MANSC4: variants seen among roughly 807,000 people sequenced by gnomAD.
MANSC4 encodes the protein MANSC domain-containing protein 4.
Under a neutral mutation model 11.4 loss-of-function variants are expected in MANSC4, and 11 were observed. The ratio of observed to expected loss-of-function variants is 0.97; its 90% CI spans 0.61 to 1.60. The LOEUF is 1.60. Ranked by LOEUF, MANSC4 falls within the 40% of genes most tolerant of loss-of-function variation. MANSC4 has a pLI of 0.00. For synonymous variants in MANSC4, 123 were observed against 147.1 expected (o/e 0.84, Z 1.19); for missense variants, 354 against 404.6 (o/e 0.88, Z 1.07).
chr12:27,766,171 G>A (rs980114102), intron 3 of MANSC4, among the ~76,000 whole-genome samples: 12 of 151,618 alleles, frequency 7.9e-5, no homozygotes, highest in Non-Finnish European at 2.9e-5. Context: ...AGGTTCAAGC[G>A]ATTCTCCTGC....
chr12:27,763,070 T>C lies in MANSC4; in HGVS notation c.691A>G (p.Thr231Ala), dbSNP rs1401401128. The change falls in exon 4 of 4, where the codon ACT becomes GCT. Residue 231 changes from threonine (T) to alanine (A), a missense_variant. Transcript: ENST00000381273. ...TDFISNPDNK[T>A]ISPFFEPIDT... is the part of the protein sequence containing the mutation. ...ATGGGTTCAAAGAAAGGAGAAATAG[T>C]CTTATTATCTGGATTGCTGATGAAA... The C allele has an allele frequency of 1.4e-5, 22 of 1,551,552 alleles. No homozygotes were observed. The highest frequency in any genetic ancestry group is 1.9e-5 in the Non-Finnish European group (22 of 1,146,988).
intron 3 of MANSC4, 81 bp from the exon 4 acceptor site, chr12:27,763,477 G>A (rs139366500): frequency 7.5e-7 from 1 of 1,326,160 alleles, no homozygotes; most frequent in African/African-American, 1.5e-5. Context: ...AGAAGGGGTT[G>A]GCTTTTGCCG....
At chr12:27,766,273 G>A (rs755835185) in intron 3 of MANSC4, among the ~76,000 whole-genome samples, 3 of 152,040 alleles carry the variant, frequency 2.0e-5, no homozygotes, top group Non-Finnish European at 4.4e-5. Context: ...TCACCATGTT[G>A]GCCAGGATGT....
chr12:27,765,031 C>A (rs1181633066), intron 3 of MANSC4, among the ~76,000 whole-genome samples: 1 of 151,702 alleles, frequency 6.6e-6, no homozygotes, highest in Non-Finnish European at 1.5e-5. Flanking sequence ...AGATGGGGGT[C>A]TCTCTGTGTT....
intron 1 of MANSC4, among the ~76,000 whole-genome samples, chr12:27,777,901 A>G (rs1565479388): frequency 3.3e-5 from 5 of 151,984 alleles, no homozygotes; most frequent in African/African-American, 1.2e-4. Flanking sequence ...TGGGCAAGGT[A>G]GCAAGACCCT....
chr12:27,766,634 C>A, intron 3 of MANSC4, 31 bp downstream of exon 3: 1 of 1,546,360 alleles, frequency 6.5e-7, no homozygotes, highest in South Asian at 1.2e-5. Context: ...CGCCAGCATT[C>A]TTTTAAAGTC....
At chr12:27,766,887 G>A in intron 2 of MANSC4, 88 bp from the exon 3 acceptor site, 1 of 1,393,358 alleles carries the variant, frequency 7.2e-7, no homozygotes, top group Non-Finnish European at 9.7e-7. Context: ...TTTGTTTCAG[G>A]AATACTGGAT....
intron 2 of MANSC4, among the ~76,000 whole-genome samples, chr12:27,768,459 C>T (rs1287664423): frequency 6.6e-6 from 1 of 150,554 alleles, no homozygotes; most frequent in African/African-American, 2.4e-5. Flanking sequence ...AAATAGTTCT[C>T]TGACAGAGGA....
At chr12:27,773,080 T>C (rs912023016) in intron 1 of MANSC4, among the ~76,000 whole-genome samples, 1 of 152,196 alleles carries the variant, frequency 6.6e-6, no homozygotes, top group Non-Finnish European at 1.5e-5. Context: ...GGGTGGCTAA[T>C]GCCTATAATC....
intron 1 of MANSC4, among the ~76,000 whole-genome samples, chr12:27,774,783 G>A (rs1212267978): frequency 3.3e-5 from 5 of 152,084 alleles, no homozygotes; most frequent in African/African-American, 9.6e-5. Context: ...CAGCACTTTG[G>A]GAGGCTGAGG....
At chr12:27,764,459 T>C (rs1484931076) in intron 3 of MANSC4, among the ~76,000 whole-genome samples, 1 of 152,182 alleles carries the variant, frequency 6.6e-6, no homozygotes, top group East Asian at 1.9e-4. Context: ...CGGACCCCCT[T>C]GGCATTTTCT....
chr12:27,764,266 C>T (rs959599789), intron 3 of MANSC4, among the ~76,000 whole-genome samples: 5 of 152,148 alleles, frequency 3.3e-5, no homozygotes, highest in African/African-American at 1.2e-4. Context: ...TTCCAATGGT[C>T]CCTGCTGGTG....
Position 27,779,503 on chromosome 12 carries a change from C to T in MANSC4, c.-307+707G>A, listed in dbSNP as rs541294014. Among the ~76,000 whole-genome samples, 6 of 152,290 alleles carry T rather than the reference C, an allele frequency of 3.9e-5. No homozygotes were observed. The East Asian group carries it at 1.2e-3, about 29-fold the overall frequency. ...CCCGATTCCTCTGAGAACCTGCTGC[C>T]ATCTGCCTGGACCTCCTGTAAGATG... On this transcript the variant is annotated intron_variant, in intron 1 of 3. Transcript: ENST00000381273.
At chr12:27,777,399 G>T (rs1328628425) in intron 1 of MANSC4, among the ~76,000 whole-genome samples, 1 of 152,110 alleles carries the variant, frequency 6.6e-6, no homozygotes, top group Non-Finnish European at 1.5e-5. Flanking sequence ...AAAATCGTAG[G>T]TCCAAGTCTC....
At position 27,780,197 on chromosome 12, in the gene MANSC4, G is replaced by A; in HGVS notation, c.-307+13C>T. On this transcript the variant is annotated intron_variant, in intron 1 of 3. Transcript: ENST00000381273. The surrounding 1 kb of genome is among the most constrained non-coding windows in gnomAD (Gnocchi z 8.8). Reference sequence around the variant, plus strand: ...GCCGCCGGAGAGGCCGGGCGAGCGCGGGCGGCCCTCACCTCGCCGCTCCTC... The same window carrying A: ...GCCGCCGGAGAGGCCGGGCGAGCGCAGGCGGCCCTCACCTCGCCGCTCCTC... The A allele has an allele frequency of 1.6e-6, 1 of 623,874 alleles. No individual in the cohort carries two copies. 38.6% of individuals were successfully genotyped at this position (623,874 alleles called of 1,614,324 possible).
chr12:27,773,390 AG>A (rs1398110770), intron 1 of MANSC4, among the ~76,000 whole-genome samples: 1 of 150,898 alleles, frequency 6.6e-6, no homozygotes, highest in Non-Finnish European at 1.5e-5. Context: ...AGGTAGAGGG[AG>A]GCATCCATAA....
intron 2 of MANSC4, among the ~76,000 whole-genome samples, chr12:27,770,478 G>A (rs1409364160): frequency 6.6e-6 from 1 of 151,844 alleles, no homozygotes; most frequent in African/African-American, 2.4e-5. Flanking sequence ...ACCGCACCTG[G>A]CCCAGCACAT....
intron 1 of MANSC4, among the ~76,000 whole-genome samples, chr12:27,778,051 C>T (rs2062125809): frequency 1.3e-5 from 2 of 151,766 alleles, no homozygotes; most frequent in African/African-American, 4.8e-5. Context: ...CATGGTGAAA[C>T]CCCGTCTCTA....
chr12:27,766,541 G>A (rs2062072947), intron 3 of MANSC4, 124 bp downstream of exon 3: 2 of 1,157,388 alleles, frequency 1.7e-6, no homozygotes, highest in South Asian at 1.7e-5. Context: ...TTTTTCCCAA[G>A]TTCACTGGAA....
Sources: allele counts gnomAD v4.1 joint callset (sites outside exome capture counted in the v4.1 genomes callset), GRCh38; gene constraint gnomAD v4.1.1; non-coding constraint Gnocchi (gnomAD v3.1); transcripts MANE v1.5; gene names NCBI Gene and HGNC (gene_info 2026-07-23, HGNC 2026-07-21).